Variants in DNAH2 observed in about 807,000 individuals in gnomAD.
The protein encoded by DNAH2 is axonemal beta dynein heavy chain 2.
Under a neutral mutation model 523.5 loss-of-function variants are expected in DNAH2, and 323 were observed. The observed-to-expected ratio is 0.62, with a 90% CI of 0.56 to 0.68. DNAH2 has a LOEUF of 0.68. Ranked by LOEUF, DNAH2 falls within the 30% of genes least tolerant of loss-of-function variation. The probability of loss-of-function intolerance (pLI) is 0.00; values close to 1 mark genes in which losing one functional copy is unlikely to be tolerated. For synonymous variants in DNAH2, 2,093 were observed against 2,177.4 expected (o/e 0.96, Z 1.08); for missense variants, 4,907 against 5,701.5 (o/e 0.86, Z 4.49).
At chr17:7,802,936 G>A (rs137923736) in intron 58 of DNAH2, among the ~76,000 whole-genome samples, 2,767 of 151,750 alleles carry the variant, frequency 0.018, 84 homozygotes, top group African/African-American at 0.06. Context: ...GCCTCCCAAA[G>A]TGCTGGGATT....
At chr17:7,803,271 T>G (rs2077273195) in intron 58 of DNAH2, among the ~76,000 whole-genome samples, 1 of 152,136 alleles carries the variant, frequency 6.6e-6, no homozygotes. Context: ...AAATCAAGGG[T>G]TCCCACCACC....
chr17:7,760,920 C>T lies in DNAH2; in HGVS notation c.2966C>T (p.Ala989Val). 6.2e-7 allele frequency: 1 copy of T among 1,613,964 alleles called. No individual in the cohort carries two copies. The highest frequency in any genetic ancestry group is 8.5e-7 in the Non-Finnish European group (1 of 1,179,920). The change falls in exon 18 of 86, where the codon GCC (alanine) becomes GTC (valine). Residue 989 changes from alanine (A) to valine (V), a missense_variant. Ala to Val is a moderately conservative substitution (Grantham distance 64). This residue lies in a region of DNAH2 where 2,806 missense variants were observed against 3,190.8 expected (regional missense o/e 0.88). Coordinates refer to ENST00000572933, the MANE Select transcript of DNAH2 (RefSeq NM_020877.5). The surrounding 1 kb of genome is among the most constrained non-coding windows in gnomAD (Gnocchi z 4.0). ...RLNPPVSSFV[A>V]DIARYTEVAN... Reference sequence around the variant, plus strand: ...AACCCTCCTGTCTCTTCTTTTGTTGCCGACATTGCCCGGTGAGTGGTGAGG... The same window carrying T: ...AACCCTCCTGTCTCTTCTTTTGTTGTCGACATTGCCCGGTGAGTGGTGAGG...
chr17:7,765,403 C>T lies in DNAH2; in HGVS notation c.3349C>T (p.Leu1117=). Reference sequence around the variant, plus strand: ...CTGACTCCCCCAGGTCCTGGAGATGCTGGACAGTCTCAACGGGGAGTGGGT... The same window carrying T: ...CTGACTCCCCCAGGTCCTGGAGATGTTGGACAGTCTCAACGGGGAGTGGGT... ...VPVEDSVLEM[L]DSLNGEWVVF... The change falls in exon 21 of 86, where the codon CTG becomes TTG. Residue 1117 remains leucine (L), a synonymous_variant. Transcript: ENST00000572933. The T allele has an allele frequency of 6.2e-7, 1 of 1,613,318 alleles. No individual in the cohort carries two copies. The highest frequency in any genetic ancestry group is 1.3e-5 in the African/African-American group (1 of 75,056).
chr17:7,817,621 C>A lies in DNAH2; in HGVS notation c.10081C>A (p.Pro3361Thr), dbSNP rs149051259. 14 of 1,614,060 alleles carry A rather than the reference C, an allele frequency of 8.7e-6. No individual in the cohort carries two copies. The highest frequency in any genetic ancestry group is 1.0e-5 in the Non-Finnish European group (12 of 1,180,046). The change falls in exon 66 of 86, where the codon CCT becomes ACT. Residue 3361 changes from proline (P) to threonine (T), a missense_variant. Pro to Thr is a conservative substitution (Grantham distance 38). Coordinates refer to ENST00000572933, the MANE Select transcript of DNAH2 (RefSeq NM_020877.5). Reference protein sequence around the residue: ...SFAIDNFLCNPTKVRDWNIQG... With the variant: ...SFAIDNFLCNTTKVRDWNIQG... ...CGCCATCGATAACTTCCTGTGCAAT[C>A]CTACCAAAGTCCGGGACTGGAACAT...
chr17:7,808,784 A>G (rs1455153240), intron 63 of DNAH2, among the ~76,000 whole-genome samples: 1 of 152,052 alleles, frequency 6.6e-6, no homozygotes, highest in African/African-American at 2.4e-5. Context: ...TGATTTTTGT[A>G]TTTTTAGTAG....
At chr17:7,727,620 G>T (rs2074860382) in intron 4 of DNAH2, among the ~76,000 whole-genome samples, 1 of 152,006 alleles carries the variant, frequency 6.6e-6, no homozygotes, top group Non-Finnish European at 1.5e-5. Flanking sequence ...GCCAGACGTG[G>T]TGGTGCACAC....
In DNAH2 at chr17:7,786,757, T is replaced by C; in HGVS notation, c.6466+70T>C. On this transcript the variant is annotated intron_variant, in intron 41 of 85. Coordinates refer to ENST00000572933, the MANE Select transcript of DNAH2 (RefSeq NM_020877.5). The surrounding 1 kb of genome is among the most constrained non-coding windows in gnomAD (Gnocchi z 7.5). ...CCTAAGGGGGCAGGGAGTCTGGGGA[T>C]AGGAAGTTCCAAGTTGGGAGAGAAA... 6.3e-7 allele frequency: 1 copy of C among 1,598,782 alleles called. No individual in the cohort carries two copies. The highest frequency in any genetic ancestry group is 1.1e-5 in the South Asian group (1 of 90,214).
intron 1 of DNAH2, 93 bp downstream of exon 1, chr17:7,718,892 G>A (rs1216657740): frequency 6.6e-6 from 1 of 152,596 alleles, no homozygotes; most frequent in Non-Finnish European, 1.5e-5. Context: ...AGGAAAAGAG[G>A]TACATAGGAA....
rs751473511 is a variant in DNAH2 at position 7,739,759 on chromosome 17, C to A, written c.1197C>A (p.Ala399=). The change falls in exon 9 of 86, where the codon GCC becomes GCA. Residue 399 remains alanine (A), a synonymous_variant. Transcript: ENST00000572933. Reference sequence around the variant, plus strand: ...TATGTGACTGTCAGTATCACTTCGCCCGCTGGGAAGATGGCAAGCAGGGTC... The same window carrying A: ...TATGTGACTGTCAGTATCACTTCGCACGCTGGGAAGATGGCAAGCAGGGTC... The part of the protein sequence containing the change: ...RKVCDCQYHF[A]RWEDGKQGPL... The A allele has an allele frequency of 6.2e-7, 1 of 1,613,592 alleles. No individual in the cohort carries two copies. The highest frequency in any genetic ancestry group is 8.5e-7 in the Non-Finnish European group (1 of 1,180,024).
Position 7,734,502 on chromosome 17 carries a change from G to A in DNAH2, c.772G>A (p.Glu258Lys). ...SMIHWTRQIK[E>K]MLSAQETVET... is the part of the protein sequence containing the mutation. ...GATCCACTGGACCCGGCAGATAAAG[G>A]AGATGCTCAGTGCCCAGGAGACTGT... Residue 258 changes from glutamate to lysine, a missense_variant, in exon 7 of 86, where the codon GAG becomes AAG. By Grantham distance (56) the Glu-to-Lys change is moderately conservative. This residue lies in a region of DNAH2 where 2,806 missense variants were observed against 3,190.8 expected (regional missense o/e 0.88). Coordinates refer to ENST00000572933, the MANE Select transcript of DNAH2 (RefSeq NM_020877.5). The A allele has an allele frequency of 6.2e-7, 1 of 1,613,962 alleles. No individual in the cohort carries two copies. The highest frequency in any genetic ancestry group is 8.5e-7 in the Non-Finnish European group (1 of 1,180,020).
intron 50 of DNAH2, among the ~76,000 whole-genome samples, chr17:7,796,858 C>T (rs935046557): frequency 6.1e-5 from 9 of 146,866 alleles, no homozygotes; most frequent in Admixed American, 2.1e-4. Flanking sequence ...GGGAGGCCAA[C>T]GCAGGCAGAT....
chr17:7,829,006 G>A (rs2078094185), intron 77 of DNAH2, among the ~76,000 whole-genome samples: 1 of 151,496 alleles, frequency 6.6e-6, no homozygotes, highest in African/African-American at 2.4e-5. Context: ...AGTCCAAATG[G>A]CTCAAACATC....
Position 7,771,466 on chromosome 17 carries a change from C to T in DNAH2, c.4499C>T (p.Pro1500Leu), listed in dbSNP as rs73232344. 0.018 allele frequency: 29,297 copies of T among 1,613,822 alleles called. 1,237 individuals are homozygous for T. Among genetic ancestry groups the T allele is most frequent in the East Asian group, 0.15 (6,588 of 44,852 alleles). The change falls in exon 28 of 86, where the codon CCA (proline) becomes CTA (leucine). Residue 1500 changes from proline to leucine, a missense_variant and splice_region_variant. By Grantham distance (98) the Pro-to-Leu change is moderately conservative. Transcript: ENST00000572933. ...DNNALRSTHHPGLLDTLIEMN... is the reference protein window; with the variant it reads ...DNNALRSTHHLGLLDTLIEMN... ...AATGCTCTCCGGAGCACCCATCACC[C>T]AGGTCAGAGCTCCAGGGCTCCTGCC...
chr17:7,801,369 G>A (rs1195114828), intron 56 of DNAH2, among the ~76,000 whole-genome samples: 2 of 152,196 alleles, frequency 1.3e-5, no homozygotes, highest in African/African-American at 4.8e-5. Context: ...CCTCGAAAGT[G>A]TAGAACCAGG....
At chr17:7,742,881 A>ATCATT in intron 11 of DNAH2, 47 bp from the exon 12 acceptor site, 1 of 1,316,950 alleles carries the variant, frequency 7.6e-7, no homozygotes, top group South Asian at 2.6e-5. Flanking sequence ...TGGCCCCTGG[A>ATCATT]GGAAGGTGGC....
rs772334731 is a variant in DNAH2, at chr17:7,758,503, C to G, written c.2060C>G (p.Ala687Gly). Reference sequence around the variant, plus strand: ...GCCTCTCTTATGCACAGGATTATTGCCATGCTGTCCCCAGATGAGCAGGCC... The same window carrying G: ...GCCTCTCTTATGCACAGGATTATTGGCATGCTGTCCCCAGATGAGCAGGCC... Reference protein sequence around the residue: ...LVARDYNRIIAMLSPDEQALF... With the variant: ...LVARDYNRIIGMLSPDEQALF... Residue 687 changes from alanine to glycine, a missense_variant, in exon 14 of 86, where the codon GCC (alanine) becomes GGC (glycine). Coordinates refer to ENST00000572933, the MANE Select transcript of DNAH2 (RefSeq NM_020877.5). 3.1e-6 allele frequency: 5 copies of G among 1,613,680 alleles called. No individual in the cohort carries two copies. The African/African-American group carries it at 6.7e-5, about 22-fold the overall frequency.
chr17:7,770,737 A>G lies in DNAH2; in HGVS notation c.4182-16A>G, dbSNP rs779334940. 5.0e-6 allele frequency: 8 copies of G among 1,613,598 alleles called. No individual in the cohort carries two copies. Among genetic ancestry groups the G allele is most frequent in the South Asian group, 1.1e-5 (1 of 91,054 alleles). ...CAGGTGGGGATGAACTATGATTTTG[A>G]CCCCTTGTGTCTCAGAGGTACAGAA... is the stretch of plus-strand genomic sequence containing the variant. On this transcript the variant is annotated splice_polypyrimidine_tract_variant and intron_variant, in intron 26 of 85. Transcript: ENST00000572933.
Position 7,823,633 on chromosome 17 carries a change from C to T in DNAH2, c.11329+5C>T, listed in dbSNP as rs779506486. The T allele has an allele frequency of 1.9e-6, 3 of 1,613,214 alleles. No individual in the cohort carries two copies. Among genetic ancestry groups the T allele is most frequent in the African/African-American group, 2.7e-5 (2 of 74,916 alleles). ...CGGAGAAGGCGATGCTGCCAGGTAC[C>T]AGGCGTCTGTGTCCCACTCTCACTT... On this transcript the variant is annotated splice_donor_5th_base_variant and intron_variant, in intron 74 of 85. Coordinates refer to ENST00000572933, the MANE Select transcript of DNAH2 (RefSeq NM_020877.5).
In DNAH2 at chr17:7,766,398, G is replaced by A. The variant is rs910305470; in HGVS notation, c.3592G>A (p.Glu1198Lys). Residue 1198 changes from glutamate to lysine, a missense_variant, in exon 22 of 86, where the codon GAA becomes AAA. Glu to Lys is a moderately conservative substitution (Grantham distance 56). Coordinates refer to ENST00000572933, the MANE Select transcript of DNAH2 (RefSeq NM_020877.5). ...QVRAMLMAMR[E>K]EENSLRANLG... ...GCGGGCCATGCTGATGGCCATGCGG[G>A]AAGAGGAAAATAGTCTCCGAGCCAA... The A allele has an allele frequency of 1.4e-5, 23 of 1,614,098 alleles. No individual in the cohort carries two copies. The highest frequency in any genetic ancestry group is 1.9e-5 in the Non-Finnish European group (23 of 1,180,020).
Sources: allele counts gnomAD v4.1 joint callset (sites outside exome capture counted in the v4.1 genomes callset), GRCh38; gene constraint gnomAD v4.1.1; regional missense constraint gnomAD v4.1.1; non-coding constraint Gnocchi (gnomAD v3.1); transcripts MANE v1.5; gene names NCBI Gene and HGNC (gene_info 2026-07-23, HGNC 2026-07-21).